CAST: variants seen among roughly 807,000 people sequenced by gnomAD.
CAST encodes the protein MIR583 host.
CAST carries 76 observed loss-of-function variants against 119.6 expected under a neutral mutation model. The observed-to-expected ratio is 0.64, with a 90% CI of 0.53 to 0.77. CAST has a LOEUF of 0.77. Ranked by LOEUF, CAST falls within the 30% of genes least tolerant of loss-of-function variation. The pLI is 0.00. For synonymous variants in CAST, 319 were observed against 331.6 expected (o/e 0.96, Z 0.41); for missense variants, 953 against 946.5 (o/e 1.01, Z -0.09).
At chr5:96,704,621 A>G (rs889926854) in intron 3 of CAST, among the ~76,000 whole-genome samples, 1 of 152,190 alleles carries the variant, frequency 6.6e-6, no homozygotes, top group African/African-American at 2.4e-5. Flanking sequence ...ATATTCTTCT[A>G]TGTTCATATA....
chr5:96,421,728 T>C, the CAST span: 1 of 652,362 alleles, frequency 1.5e-6, no homozygotes, highest in Non-Finnish European at 2.8e-6. Flanking sequence ...CTTTGGTTTC[T>C]GTTTTAAAAG....
chr5:96,068,679 A>G, the CAST span, among the ~76,000 whole-genome samples: 1 of 151,696 alleles, frequency 6.6e-6, no homozygotes, highest in African/African-American at 2.4e-5. Context: ...TTGTTCATGT[A>G]TATATAATTA....
the CAST span, among the ~76,000 whole-genome samples, chr5:96,366,833 A>G: frequency 0.023 from 3,469 of 152,202 alleles, 142 homozygotes; most frequent in African/African-American, 0.078. Context: ...CAACATGTCA[A>G]AGTCATTCTC....
At chr5:96,176,188 C>T in the CAST span, among the ~76,000 whole-genome samples, 3 of 151,376 alleles carry the variant, frequency 2.0e-5, no homozygotes, top group African/African-American at 2.5e-5. Context: ...CAAAGGCCTT[C>T]GGAGAGAGAG....
At chr5:96,430,361 G>C in the CAST span, among the ~76,000 whole-genome samples, 1 of 152,174 alleles carries the variant, frequency 6.6e-6, no homozygotes, top group African/African-American at 2.4e-5. Flanking sequence ...CAGAAGAAAC[G>C]TGTTCTTTAA....
chr5:96,319,328 G>A, the CAST span, among the ~76,000 whole-genome samples: 4 of 152,188 alleles, frequency 2.6e-5, no homozygotes, highest in Non-Finnish European at 1.5e-5. Flanking sequence ...ATGAGACTGG[G>A]AGGGGATGCA....
At chr5:96,254,740 G>A in the CAST span, among the ~76,000 whole-genome samples, 1 of 152,116 alleles carries the variant, frequency 6.6e-6, no homozygotes, top group Non-Finnish European at 1.5e-5. Flanking sequence ...ATGGACTGAT[G>A]TATGACAGGA....
chr5:96,348,326 T>C, the CAST span, among the ~76,000 whole-genome samples: 5 of 152,032 alleles, frequency 3.3e-5, no homozygotes, highest in Non-Finnish European at 7.4e-5. Flanking sequence ...TGTTTTGTTT[T>C]TAAATTTGGA....
chr5:96,411,787 C>G, the CAST span, among the ~76,000 whole-genome samples: 3 of 152,142 alleles, frequency 2.0e-5, no homozygotes, highest in South Asian at 2.1e-4. Context: ...ACCTCAGACC[C>G]AAATAGGGAA....
chr5:96,565,377 C>CAT lies in CAST; in HGVS notation c.60+35509_60+35510dup, dbSNP rs148705531. ...GTCTCGAAACATCACATTGTACCCA[C>CAT]ATATATATATATACAACTAATATTT... On this transcript the variant is annotated intron_variant, in intron 1 of 11. Transcript: ENST00000505143. Among the ~76,000 whole-genome samples, 44 of 151,178 alleles carry CAT rather than the reference C, an allele frequency of 2.9e-4. 1 individual carries two copies. Among genetic ancestry groups the CAT allele is most frequent in the Admixed American group, 1.3e-3 (19 of 15,150 alleles).
At chr5:96,519,941 T>A in the CAST span, among the ~76,000 whole-genome samples, 6 of 152,290 alleles carry the variant, frequency 3.9e-5, no homozygotes, top group African/African-American at 1.2e-4. Context: ...TTTCCCTTTT[T>A]AAAAAAACTA....
the CAST span, among the ~76,000 whole-genome samples, chr5:96,473,416 A>G: frequency 6.6e-6 from 1 of 152,242 alleles, no homozygotes; most frequent in Non-Finnish European, 1.5e-5. Context: ...AAATTATATC[A>G]CATTACATAA....
intron 1 of CAST, among the ~76,000 whole-genome samples, chr5:96,592,491 C>G (rs1264895731): frequency 1.3e-5 from 2 of 152,078 alleles, no homozygotes; most frequent in African/African-American, 4.8e-5. Context: ...TTATTTCATT[C>G]ATTAATATGG....
At chr5:96,365,130 G>A in the CAST span, among the ~76,000 whole-genome samples, 31 of 152,250 alleles carry the variant, frequency 2.0e-4, no homozygotes, top group South Asian at 5.0e-3. Flanking sequence ...GTAGTTGAGC[G>A]GTTTTGAGTG....
chr5:96,345,489 A>T, the CAST span, among the ~76,000 whole-genome samples: 2 of 152,276 alleles, frequency 1.3e-5, no homozygotes, highest in Non-Finnish European at 2.9e-5. Context: ...TTCACTTTCT[A>T]CGTCTAACTC....
At chr5:96,542,551 A>G (rs192386070) in intron 1 of CAST, among the ~76,000 whole-genome samples, 33 of 149,880 alleles carry the variant, frequency 2.2e-4, no homozygotes, top group Middle Eastern at 3.4e-3. Context: ...ACATCTTTTC[A>G]TATGATTATT....
the CAST span, among the ~76,000 whole-genome samples, chr5:96,224,517 G>A: frequency 6.6e-6 from 1 of 152,138 alleles, no homozygotes; most frequent in Non-Finnish European, 1.5e-5. Flanking sequence ...ACACACAGAA[G>A]AGGAGAGAGC....
At chr5:96,162,590 G>C in the CAST span, among the ~76,000 whole-genome samples, 1 of 151,992 alleles carries the variant, frequency 6.6e-6, no homozygotes, top group East Asian at 1.9e-4. Flanking sequence ...GCTAATTTTT[G>C]TATTTTTAGT....
chr5:96,668,381 G>A (rs1057345193), intron 1 of CAST, among the ~76,000 whole-genome samples: 4 of 152,174 alleles, frequency 2.6e-5, no homozygotes, highest in Admixed American at 2.6e-4. Context: ...AACCTGATAA[G>A]GTTCCTTTGT....
Sources: gnomAD v4.1 joint callset for allele counts (sites outside exome capture counted in the v4.1 genomes callset) on GRCh38, gnomAD v4.1.1 for gene constraint, MANE v1.5 for transcripts, NCBI Gene and HGNC (gene_info 2026-07-23, HGNC 2026-07-21) for gene names.